Variants in COL19A1 observed in about 807,000 individuals in gnomAD.
COL19A1 encodes the protein collagen alpha-1(XIX) chain.
A neutral mutation model predicts 190.2 loss-of-function variants in COL19A1; 159 were observed. That is an observed-to-expected ratio of 0.84 (90% CI 0.73 to 0.95). COL19A1 has a LOEUF of 0.95. Among genes scored for constraint, COL19A1 ranks in the 40% least tolerant of loss-of-function variants. The pLI, the probability that COL19A1 is intolerant of heterozygous loss-of-function variation, is 0.00. For synonymous variants in COL19A1, 509 were observed against 458.9 expected (o/e 1.11, Z -1.39); for missense variants, 1,418 against 1,431.9 (o/e 0.99, Z 0.16).
intron 17 of COL19A1, among the ~76,000 whole-genome samples, chr6:70,125,896 T>A (rs535247820): frequency 2.0e-5 from 3 of 152,182 alleles, no homozygotes; most frequent in African/African-American, 7.2e-5. Flanking sequence ...TAATAAAAAT[T>A]TGATAGGCTC....
At chr6:70,049,576 T>C (rs1328967234) in intron 14 of COL19A1, among the ~76,000 whole-genome samples, 1 of 152,050 alleles carries the variant, frequency 6.6e-6, no homozygotes, top group Non-Finnish European at 1.5e-5. Context: ...CTTTTGTTTA[T>C]AGTTTGCTTC....
intron 16 of COL19A1, among the ~76,000 whole-genome samples, chr6:70,109,487 C>A (rs1415017181): frequency 6.6e-6 from 1 of 150,858 alleles, no homozygotes; most frequent in African/African-American, 2.4e-5. Flanking sequence ...GGTTGGGGGG[C>A]AAGTGGAGAG....
At chr6:70,081,134 G>A (rs1045328819) in intron 15 of COL19A1, among the ~76,000 whole-genome samples, 6 of 151,946 alleles carry the variant, frequency 3.9e-5, no homozygotes, top group African/African-American at 1.4e-4. Flanking sequence ...ATAATTTCTA[G>A]TATCAGAAAA....
At chr6:69,942,880 T>G (rs958944776) in intron 9 of COL19A1, among the ~76,000 whole-genome samples, 15 of 152,188 alleles carry the variant, frequency 9.9e-5, no homozygotes, top group Middle Eastern at 3.4e-3. Context: ...AGTTATCTTT[T>G]CACCATACTT....
intron 14 of COL19A1, among the ~76,000 whole-genome samples, chr6:70,050,051 G>C (rs771353624): frequency 1.1e-4 from 16 of 151,970 alleles, no homozygotes; most frequent in Non-Finnish European, 1.2e-4. Context: ...CAGATCAAGG[G>C]ACCAGGCTAC....
At chr6:69,895,699 A>AC (rs1769683147) in intron 2 of COL19A1, among the ~76,000 whole-genome samples, 1 of 151,742 alleles carries the variant, frequency 6.6e-6, no homozygotes, top group East Asian at 1.9e-4. Flanking sequence ...TTCTCCAGGG[A>AC]CCCCCTCCCA....
At position 70,188,958 on chromosome 6, in the gene COL19A1, C is replaced by A. The variant is rs139726035; in HGVS notation, c.3027+713C>A. 1.8e-3 allele frequency among the ~76,000 whole-genome samples: 278 copies of A among 152,284 alleles called. 3 individuals carry two copies. The highest frequency in any genetic ancestry group is 6.4e-3 in the African/African-American group (266 of 41,566). The stretch of plus-strand genomic sequence containing the variant: ...GAGCATTCATGCAATTTTCATACTT[C>A]TATATTTCTGCCCACTGTCCTGAAA... On this transcript the variant is annotated intron_variant, in intron 47 of 50. Transcript: ENST00000620364.
At chr6:70,169,861 G>T (rs1010439698) in intron 40 of COL19A1, among the ~76,000 whole-genome samples, 10 of 151,954 alleles carry the variant, frequency 6.6e-5, no homozygotes, top group African/African-American at 2.2e-4. Flanking sequence ...AAGCACCTAG[G>T]CTTCTCACTG....
intron 30 of COL19A1, 121 bp downstream of exon 30, chr6:70,150,166 GT>G: frequency 9.9e-7 from 1 of 1,013,500 alleles, no homozygotes; most frequent in Non-Finnish European, 1.5e-6. Flanking sequence ...TGGTGATTTT[GT>G]TTATCCCCAT....
At chr6:70,162,624 A>T (rs1787879402) in intron 35 of COL19A1, among the ~76,000 whole-genome samples, 1 of 152,156 alleles carries the variant, frequency 6.6e-6, no homozygotes, top group Non-Finnish European at 1.5e-5. Flanking sequence ...TTGTGTTTTT[A>T]TTTGCTAAAT....
intron 48 of COL19A1, among the ~76,000 whole-genome samples, chr6:70,194,245 T>C (rs1342807531): frequency 6.6e-6 from 1 of 152,228 alleles, no homozygotes; most frequent in Non-Finnish European, 1.5e-5. Flanking sequence ...TTACACCCTC[T>C]AGTGAAACCC....
chr6:69,970,053 A>G (rs1189076568), intron 11 of COL19A1, among the ~76,000 whole-genome samples: 2 of 152,228 alleles, frequency 1.3e-5, no homozygotes, highest in Non-Finnish European at 2.9e-5. Flanking sequence ...AGATTCAAGG[A>G]GTAGGAAAAT....
At chr6:70,153,623 C>G (rs1355398103) in intron 31 of COL19A1, among the ~76,000 whole-genome samples, 2 of 152,052 alleles carry the variant, frequency 1.3e-5, no homozygotes. Flanking sequence ...ATTGAATAAT[C>G]TATTCTAAAA....
At chr6:70,140,077 GA>G (rs1786142350) in intron 19 of COL19A1, among the ~76,000 whole-genome samples, 1 of 151,918 alleles carries the variant, frequency 6.6e-6, no homozygotes, top group Admixed American at 6.6e-5. Context: ...CTAATATATA[GA>G]AATCAACCAC....
intron 48 of COL19A1, among the ~76,000 whole-genome samples, chr6:70,198,326 A>C (rs1454353451): frequency 6.6e-6 from 1 of 152,262 alleles, no homozygotes; most frequent in Non-Finnish European, 1.5e-5. Flanking sequence ...AAAGTTTTTA[A>C]ATTGAATATT....
intron 15 of COL19A1, 101 bp from the exon 16 acceptor site, chr6:70,102,068 C>T: frequency 1.0e-6 from 1 of 991,830 alleles, no homozygotes; most frequent in South Asian, 1.4e-5. Context: ...TCTTAACTTT[C>T]TGTTCATTTT....
At chr6:70,022,950 T>TATC (rs1472288442) in intron 11 of COL19A1, among the ~76,000 whole-genome samples, 1 of 152,092 alleles carries the variant, frequency 6.6e-6, no homozygotes, top group Non-Finnish European at 1.5e-5. Flanking sequence ...CTGATTATTT[T>TATC]ATCTCTGATT....
chr6:69,895,224 A>T (rs1023700571), intron 2 of COL19A1, among the ~76,000 whole-genome samples: 2 of 151,928 alleles, frequency 1.3e-5, no homozygotes, highest in African/African-American at 4.8e-5. Flanking sequence ...CTGAAAAAGG[A>T]AAAAAAAGGC....
At chr6:69,874,260 T>G (rs1017312891) in intron 1 of COL19A1, among the ~76,000 whole-genome samples, 9 of 152,208 alleles carry the variant, frequency 5.9e-5, no homozygotes, top group African/African-American at 2.2e-4. Context: ...ACTTTGCCCT[T>G]GTCAGTTTTG....
Sources: allele counts gnomAD v4.1 joint callset (sites outside exome capture counted in the v4.1 genomes callset), GRCh38; gene constraint gnomAD v4.1.1; transcripts MANE v1.5; gene names NCBI Gene and HGNC (gene_info 2026-07-23, HGNC 2026-07-21).